Variants in CTNND1 observed in about 807,000 individuals in gnomAD.
CTNND1 encodes the protein catenin delta-1.
Under a neutral mutation model 112.1 loss-of-function variants are expected in CTNND1, and 16 were observed. That is an observed-to-expected ratio of 0.14 (90% CI 0.10 to 0.22). The LOEUF (loss-of-function observed/expected upper bound fraction) is 0.22, where lower values mean the gene tolerates loss of function less well. CTNND1 is among the 10% of genes least tolerant of loss of function. The probability of loss-of-function intolerance (pLI) is 1.00; values close to 1 mark genes in which losing one functional copy is unlikely to be tolerated. For missense variants in CTNND1, 1,008 were observed against 1,257.0 expected (o/e 0.80, Z 3.00); for synonymous variants, 420 against 446.5 (o/e 0.94, Z 0.75).
rs370601389 is a variant in CTNND1, at chr11:57,815,438, A to G, written c.2746A>G (p.Thr916Ala). ...AAATGAGAGAGGAGACCACAATAGAACACTGGATCGATCGGGGGATCTAGG... is the reference window on the plus strand; with the variant it reads ...AAATGAGAGAGGAGACCACAATAGAGCACTGGATCGATCGGGGGATCTAGG... ...TPNERGDHNRTLDRSGDLGDM... is the reference protein window; with the variant it reads ...TPNERGDHNRALDRSGDLGDM... Residue 916 changes from threonine to alanine, a missense_variant, in exon 19 of 21, where the codon ACA becomes GCA. This residue lies in a region of CTNND1 where 106 missense variants were observed against 116.2 expected (regional missense o/e 0.91). Coordinates refer to ENST00000399050, the MANE Select transcript of CTNND1 (RefSeq NM_001085458.2). 25 of 1,612,320 alleles carry G rather than the reference A, an allele frequency of 1.6e-5. No homozygotes were observed. Among genetic ancestry groups the G allele is most frequent in the Non-Finnish European group, 2.1e-5 (25 of 1,179,196 alleles).
At chr11:57,765,632 A>T (rs1950866749) in intron 1 of CTNND1, among the ~76,000 whole-genome samples, 1 of 151,660 alleles carries the variant, frequency 6.6e-6, no homozygotes, top group African/African-American at 2.4e-5. Context: ...ATGCTTGGCT[A>T]ATTTTTGTGT....
chr11:57,766,288 C>T (rs977605650), intron 1 of CTNND1, among the ~76,000 whole-genome samples: 3 of 152,066 alleles, frequency 2.0e-5, no homozygotes, highest in African/African-American at 4.8e-5. Context: ...TTAATAAAAA[C>T]GTTAAGAGCT....
At chr11:57,767,734 T>C (rs758893682) in intron 1 of CTNND1, among the ~76,000 whole-genome samples, 2 of 152,226 alleles carry the variant, frequency 1.3e-5, no homozygotes, top group Non-Finnish European at 2.9e-5. Context: ...ATGTGAACTT[T>C]ATAGAGTAAT....
At chr11:57,777,122 AC>A (rs756626281) in intron 1 of CTNND1, among the ~76,000 whole-genome samples, 11 of 152,124 alleles carry the variant, frequency 7.2e-5, no homozygotes, top group Non-Finnish European at 1.0e-4. Context: ...GAGACTGTTA[AC>A]TTTTTTTGTG....
chr11:57,806,649 T>C, intron 11 of CTNND1, 171 bp downstream of exon 11: 1 of 667,766 alleles, frequency 1.5e-6, no homozygotes, highest in Non-Finnish European at 2.6e-6. Flanking sequence ...CACGGCATGC[T>C]GTTTCTGGGC....
intron 1 of CTNND1, among the ~76,000 whole-genome samples, chr11:57,777,055 T>A (rs1185052952): frequency 6.6e-6 from 1 of 152,232 alleles, no homozygotes; most frequent in African/African-American, 2.4e-5. Context: ...CAGTCATAAC[T>A]AATTGTTCAG....
At position 57,796,798 on chromosome 11, in the gene CTNND1, G is replaced by C. The variant is rs371703558; in HGVS notation, c.762G>C (p.Gln254His). 1.4e-5 allele frequency: 22 copies of C among 1,609,948 alleles called. No homozygotes were observed. In the African/African-American group the frequency reaches 2.8e-4, roughly 20 times the overall value. ...AAGGCTACCGGGCACCTAGTAGACA[G>C]GATGTGTATGGGCCCCAACCCCAGG... ...SMEGYRAPSR[Q>H]DVYGPQPQVR... is the part of the protein sequence containing the mutation. The change falls in exon 6 of 21, where the codon CAG becomes CAC. Residue 254 changes from glutamine (Q) to histidine (H), a missense_variant. Coordinates refer to ENST00000399050, the MANE Select transcript of CTNND1 (RefSeq NM_001085458.2).
At chr11:57,780,826 G>A (rs1389161508) in intron 1 of CTNND1, among the ~76,000 whole-genome samples, 2 of 152,218 alleles carry the variant, frequency 1.3e-5, no homozygotes, top group African/African-American at 2.4e-5. Flanking sequence ...TTGGGACTGT[G>A]TAAATCTGGC....
At chr11:57,794,179 T>C in intron 4 of CTNND1, 98 bp downstream of exon 4, 1 of 967,710 alleles carries the variant, frequency 1.0e-6, no homozygotes, top group Non-Finnish European at 1.6e-6. Context: ...GCCTGGCACA[T>C]TGTACATACT....
intron 15 of CTNND1, 127 bp downstream of exon 15, chr11:57,809,593 ATTATCTGTC>A (rs2137433572): frequency 9.1e-6 from 7 of 768,846 alleles, no homozygotes; most frequent in Non-Finnish European, 1.5e-5. Context: ...CTATTGCTCT[ATTATCTGTC>A]TTAATGTTGA....
intron 1 of CTNND1, among the ~76,000 whole-genome samples, chr11:57,766,639 T>C (rs950968094): frequency 6.6e-5 from 10 of 152,224 alleles, no homozygotes; most frequent in Admixed American, 5.2e-4. Context: ...AGAGCATTGA[T>C]GTAGCCTGGC....
In CTNND1 at chr11:57,816,901, TAA is replaced by T; in HGVS notation, c.*596_*597del. Reference sequence around the variant, plus strand: ...GACCCTTGAGTAAGTGAAGGTCTCCTAAAACTGGGATTAAGAAACCTTGCTCT... The same window carrying T: ...GACCCTTGAGTAAGTGAAGGTCTCCTAACTGGGATTAAGAAACCTTGCTCT... On this transcript the variant is annotated 3_prime_UTR_variant, in exon 21 of 21. Coordinates refer to ENST00000399050, the MANE Select transcript of CTNND1 (RefSeq NM_001085458.2). 6.5e-6 allele frequency: 1 copy of T among 154,362 alleles called. No individual in the cohort carries two copies. The highest frequency in any genetic ancestry group is 1.4e-5 in the Non-Finnish European group (1 of 69,244). 9.6% of individuals were successfully genotyped at this position (154,362 alleles called of 1,614,324 possible).
At chr11:57,786,856 G>C (rs1024545308) in intron 1 of CTNND1, among the ~76,000 whole-genome samples, 4 of 151,978 alleles carry the variant, frequency 2.6e-5, no homozygotes, top group Non-Finnish European at 4.4e-5. Flanking sequence ...TTCTTTCCCT[G>C]TTTTCCTGTG....
In CTNND1 at chr11:57,796,890, A is replaced by C; in HGVS notation, c.854A>C (p.Asp285Ala). ...FHPEPYGLED[D>A]QRSMGYDDLD... ...CCAGAGCCTTATGGGCTAGAGGATG[A>C]CCAGCGTAGTATGGGCTATGATGAC... Residue 285 changes from aspartate (D) to alanine (A), a missense_variant, in exon 6 of 21, where the codon GAC becomes GCC. Physicochemically the swap from Asp to Ala is moderately radical, Grantham distance 126 (BLOSUM62 -2). This residue lies in a region of CTNND1 where 404 missense variants were observed against 457.9 expected (regional missense o/e 0.88). Coordinates refer to ENST00000399050, the MANE Select transcript of CTNND1 (RefSeq NM_001085458.2). 1 of 1,607,766 alleles carries C rather than the reference A, an allele frequency of 6.2e-7. No homozygotes were observed. The highest frequency in any genetic ancestry group is 8.5e-7 in the Non-Finnish European group (1 of 1,175,724).
intron 2 of CTNND1, among the ~76,000 whole-genome samples, chr11:57,789,739 A>G (rs11570184): frequency 0.026 from 4,033 of 152,308 alleles, 72 homozygotes; most frequent in Non-Finnish European, 0.041. Context: ...GCCGCATTCA[A>G]AGCTGTCCTG....
At chr11:57,798,454 T>G (rs1478445260) in intron 6 of CTNND1, among the ~76,000 whole-genome samples, 2 of 152,158 alleles carry the variant, frequency 1.3e-5, no homozygotes, top group Non-Finnish European at 2.9e-5. Context: ...AACTTTCTTG[T>G]GTTTTTAATC....
intron 14 of CTNND1, among the ~76,000 whole-genome samples, chr11:57,808,803 T>C (rs993566396): frequency 6.6e-6 from 1 of 152,232 alleles, no homozygotes; most frequent in African/African-American, 2.4e-5. Context: ...GTTAAACACT[T>C]CTGTGTTTCC....
intron 7 of CTNND1, 27 bp downstream of exon 7, chr11:57,802,223 C>A: frequency 6.4e-7 from 1 of 1,562,636 alleles, no homozygotes; most frequent in South Asian, 1.2e-5. Flanking sequence ...AGGAAAATTG[C>A]TAAGTCAGTG....
intron 5 of CTNND1, 96 bp from the exon 6 acceptor site, chr11:57,796,361 A>G (rs1050462917): frequency 1.7e-6 from 2 of 1,191,152 alleles, no homozygotes; most frequent in East Asian, 2.6e-5. Flanking sequence ...CACTCCAGCC[A>G]GGGCAACAGT....
Sources: gnomAD v4.1 joint callset for allele counts (sites outside exome capture counted in the v4.1 genomes callset) on GRCh38, gnomAD v4.1.1 for gene constraint, gnomAD v4.1.1 regional missense constraint, MANE v1.5 for transcripts, NCBI Gene and HGNC (gene_info 2026-07-23, HGNC 2026-07-21) for gene names.